The following TRIOBP variants were observed in gnomAD, a reference collection of about 807,000 sequenced individuals.
TRIOBP encodes TRIO and F-actin binding protein.
In TRIOBP, 169 loss-of-function variants were observed where a neutral mutation model predicts 238.8. That is an observed-to-expected ratio of 0.71 (90% CI 0.62 to 0.80). The LOEUF is 0.80. TRIOBP is among the 30% of genes least tolerant of loss of function. The probability of loss-of-function intolerance (pLI) is 0.00; values close to 1 mark genes in which losing one functional copy is unlikely to be tolerated. For synonymous variants in TRIOBP, 1,150 were observed against 1,274.4 expected (o/e 0.90, Z 2.08); for missense variants, 2,838 against 3,122.6 (o/e 0.91, Z 2.17).
intron 6 of TRIOBP, among the ~76,000 whole-genome samples, chr22:37,718,244 G>A (rs965066213): frequency 6.6e-6 from 1 of 152,224 alleles, no homozygotes; most frequent in African/African-American, 2.4e-5. Context: ...CGTGCAAGCT[G>A]AGGGAGCCAG....
chr22:37,746,215 GAAA>G (rs58335859), intron 11 of TRIOBP: 285 of 969,376 alleles, frequency 2.9e-4, no homozygotes, highest in South Asian at 4.8e-4. Flanking sequence ...CAGGAAGTTT[GAAA>G]AAAAAAAAAA....
chr22:37,727,422 A>G (rs1331172428), intron 7 of TRIOBP, among the ~76,000 whole-genome samples: 1 of 151,834 alleles, frequency 6.6e-6, no homozygotes, highest in Non-Finnish European at 1.5e-5. Flanking sequence ...TAATCCCAGC[A>G]CTTGGGGAGG....
chr22:37,713,131 TGA>T, intron 4 of TRIOBP, 77 bp from the exon 5 acceptor site: 1 of 1,330,328 alleles, frequency 7.5e-7, no homozygotes, highest in South Asian at 1.3e-5. Flanking sequence ...GCTCCCTGTG[TGA>T]GTGAGTGCAT....
In TRIOBP at chr22:37,755,566, A is replaced by G. The variant is rs776277823; in HGVS notation, c.5594A>G (p.Tyr1865Cys). The change falls in exon 15 of 24, where the codon TAT (tyrosine) becomes TGT (cysteine). Residue 1865 changes from tyrosine to cysteine, a missense_variant. Transcript: ENST00000644935. ...GCCTTGCAGACCAAGGATGCTGTCT[A>G]TACCTTGTCGGCCATGACCTCAGGC... Reference protein sequence around the residue: ...GFQIHTKDAVYTLSAMTSGIR... With the variant: ...GFQIHTKDAVCTLSAMTSGIR... 44 of 1,613,914 alleles carry G rather than the reference A, an allele frequency of 2.7e-5. No homozygotes were observed. Among genetic ancestry groups the G allele is most frequent in the African/African-American group, 4.0e-5 (3 of 74,930 alleles).
chr22:37,774,122 T>TAAAA lies in TRIOBP; in HGVS notation c.*342_*343insAAAA, dbSNP rs201541475. On this transcript the variant is annotated 3_prime_UTR_variant, in exon 24 of 24. Transcript: ENST00000644935. ...CTTTTTTTCCAAAACACTTTATACT[T>TAAAA]TAAAAAAAAAAAAAAAAAGCAATTC... 1.1e-5 allele frequency: 1 copy of TAAAA among 93,542 alleles called. No individual in the cohort carries two copies. Among genetic ancestry groups the TAAAA allele is most frequent in the Non-Finnish European group, 2.1e-5 (1 of 47,208 alleles). 5.8% of individuals were successfully genotyped at this position (93,542 alleles called of 1,614,324 possible). A position where few individuals can be genotyped will look rare whatever the true frequency, so the allele number is the denominator to read the frequency against.
intron 2 of TRIOBP, among the ~76,000 whole-genome samples, chr22:37,701,030 A>G (rs1306441227): frequency 6.6e-6 from 1 of 152,162 alleles, no homozygotes; most frequent in Non-Finnish European, 1.5e-5. Flanking sequence ...GGAGGGTGTA[A>G]TGCAGAGTCC....
chr22:37,755,266 A>C, intron 14 of TRIOBP, 76 bp downstream of exon 14: 1 of 1,436,050 alleles, frequency 7.0e-7, no homozygotes, highest in Non-Finnish European at 9.6e-7. Context: ...TTGGTGTTGA[A>C]CATGGCTCAC....
rs570445066 is a variant in TRIOBP, at chr22:37,707,641, T to C, written c.115-2786T>C. Among the ~76,000 whole-genome samples the C allele has an allele frequency of 3.8e-3, 579 of 151,732 alleles. 3 individuals are homozygous for C. The highest frequency in any genetic ancestry group is 0.013 in the African/African-American group (555 of 41,366). ...CTAACATGGAGTCAAAAAATCTGTATGTTTAAAAAAAAAAAATTGGCTGGG... is the reference window on the plus strand; with the variant it reads ...CTAACATGGAGTCAAAAAATCTGTACGTTTAAAAAAAAAAAATTGGCTGGG... On this transcript the variant is annotated intron_variant, in intron 3 of 23. Coordinates refer to ENST00000644935, the MANE Select transcript of TRIOBP (RefSeq NM_001039141.3).
At chr22:37,735,593 C>T (rs569134486) in intron 9 of TRIOBP, 151 bp downstream of exon 9, 103 of 906,280 alleles carry the variant, frequency 1.1e-4, no homozygotes, top group South Asian at 2.6e-4. Context: ...CAACCCATCC[C>T]GATCACCAAA....
At chr22:37,746,001 C>A (rs1001571177) in intron 11 of TRIOBP, among the ~76,000 whole-genome samples, 17 of 149,920 alleles carry the variant, frequency 1.1e-4, no homozygotes, top group Non-Finnish European at 2.4e-4. Context: ...CGCCCGCCCT[C>A]CGGCCGCCAC....
intron 11 of TRIOBP, chr22:37,746,309 G>C: frequency 8.9e-7 from 1 of 1,125,708 alleles, no homozygotes; most frequent in Non-Finnish European, 1.1e-6. Flanking sequence ...GGGCGGCCGA[G>C]AGGGGCGGCG....
chr22:37,743,382 C>T (rs1196777173), intron 11 of TRIOBP, among the ~76,000 whole-genome samples: 3 of 152,192 alleles, frequency 2.0e-5, no homozygotes, highest in African/African-American at 7.2e-5. Context: ...TGGATAACCT[C>T]GAAGTTTGGT....
In TRIOBP at chr22:37,715,758, G is replaced by A; in HGVS notation, c.457-5G>A. The A allele has an allele frequency of 6.2e-7, 1 of 1,613,784 alleles. No individual in the cohort carries two copies. Among genetic ancestry groups the A allele is most frequent in the Non-Finnish European group, 8.5e-7 (1 of 1,179,982 alleles). Reference sequence around the variant, plus strand: ...AACATACTTTCTCCTCCCCTTCTCTGGCAGGACTGGGACACTGTTGAGAGG... The same window carrying A: ...AACATACTTTCTCCTCCCCTTCTCTAGCAGGACTGGGACACTGTTGAGAGG... On this transcript the variant is annotated splice_polypyrimidine_tract_variant and splice_region_variant and intron_variant, in intron 5 of 23. Transcript: ENST00000644935.
chr22:37,720,405 T>C (rs1461013141), intron 6 of TRIOBP, among the ~76,000 whole-genome samples: 1 of 152,186 alleles, frequency 6.6e-6, no homozygotes, highest in African/African-American at 2.4e-5. Context: ...CAGGATCCAT[T>C]CCAGGATCCC....
chr22:37,710,122 T>C (rs141742610), intron 3 of TRIOBP, among the ~76,000 whole-genome samples: 35 of 152,362 alleles, frequency 2.3e-4, no homozygotes, highest in Non-Finnish European at 1.0e-4. Context: ...TAGACACGCA[T>C]GCGCAAGAGC....
chr22:37,698,654 A>G (rs1922481491), intron 2 of TRIOBP, among the ~76,000 whole-genome samples: 1 of 151,968 alleles, frequency 6.6e-6, no homozygotes, highest in Admixed American at 6.6e-5. Context: ...CACCTGGCCA[A>G]GAGCCCATTT....
intron 12 of TRIOBP, among the ~76,000 whole-genome samples, chr22:37,752,690 C>G (rs894273458): frequency 6.6e-6 from 1 of 152,222 alleles, no homozygotes; most frequent in African/African-American, 2.4e-5. Context: ...TGGCTGCTCT[C>G]TAGGCTCACA....
rs372149110 is a variant in TRIOBP, at chr22:37,714,293, G to A, written c.456+882G>A. ...ATGGATGTACATGCCTCCTAGGTCC[G>A]TTGAAGATGAGCGACTTGGCACTTA... On this transcript the variant is annotated intron_variant, in intron 5 of 23. Coordinates refer to ENST00000644935, the MANE Select transcript of TRIOBP (RefSeq NM_001039141.3). Among the ~76,000 whole-genome samples the A allele has an allele frequency of 3.4e-4, 52 of 152,318 alleles. No homozygotes were observed. In the South Asian group the frequency reaches 9.7e-3, roughly 29 times the overall value.
Position 37,735,176 on chromosome 22 carries a change from G to T in TRIOBP, c.4840G>T (p.Gly1614Cys), listed in dbSNP as rs763615935. ...DLARALGPEL[G>C]PPGTNDVPEQ... ...GGCCAGGGCTTTAGGGCCAGAGCTG[G>T]GTCCCCCAGGCACAAACGATGTCCC... Residue 1614 changes from glycine (G) to cysteine (C), a missense_variant, in exon 9 of 24, where the codon GGT becomes TGT. This residue lies in a region of TRIOBP where 2,096 missense variants were observed against 2,137.4 expected (regional missense o/e 0.98). Coordinates refer to ENST00000644935, the MANE Select transcript of TRIOBP (RefSeq NM_001039141.3). 1.5e-4 allele frequency: 244 copies of T among 1,609,870 alleles called. No individual in the cohort carries two copies. In the East Asian group the frequency reaches 5.4e-3, roughly 36 times the overall value.
Sources: gnomAD v4.1 joint callset for allele counts (sites outside exome capture counted in the v4.1 genomes callset) on GRCh38, gnomAD v4.1.1 for gene constraint, gnomAD v4.1.1 regional missense constraint, MANE v1.5 for transcripts, NCBI Gene and HGNC (gene_info 2026-07-23, HGNC 2026-07-21) for gene names.